Variants in GPRIN3 observed in about 807,000 individuals in gnomAD.
The protein encoded by GPRIN3 is GPRIN family member 3, also known as G protein-regulated inducer of neurite outgrowth 3.
GPRIN3 carries 12 observed loss-of-function variants against 13.7 expected under a neutral mutation model. That is an observed-to-expected ratio of 0.87 (90% CI 0.56 to 1.42). GPRIN3 has a LOEUF of 1.42. Among genes scored for constraint, GPRIN3 ranks in the 40% most tolerant of loss-of-function variants. The pLI is 0.00. For synonymous variants in GPRIN3, 377 were observed against 372.7 expected (o/e 1.01, Z -0.13); for missense variants, 1,009 against 958.7 (o/e 1.05, Z -0.69).
chr4:89,254,229 T>G (rs2149259845), intron 1 of GPRIN3, among the ~76,000 whole-genome samples: 1 of 152,130 alleles, frequency 6.6e-6, no homozygotes, highest in African/African-American at 2.4e-5. Flanking sequence ...TCTTTCTCTT[T>G]TTTTAAACCT....
rs1346155227 is a variant in GPRIN3, at chr4:89,250,223, G to C, written c.-113C>G. 1.9e-5 allele frequency: 28 copies of C among 1,503,226 alleles called. No homozygotes were observed. The highest frequency in any genetic ancestry group is 2.4e-5 in the Non-Finnish European group (27 of 1,127,074). 93.1% of individuals were successfully genotyped at this position (1,503,226 alleles called of 1,614,324 possible). On this transcript the variant is annotated 5_prime_UTR_variant, in exon 2 of 2. Coordinates refer to ENST00000609438, the MANE Select transcript of GPRIN3 (RefSeq NM_198281.3). ...TGACACAGTCAGGGATGATTCCTCT[G>C]AAGAACCAGCCTGTGAATCAAGGAA...
chr4:89,262,109 G>A (rs149156197), intron 1 of GPRIN3, among the ~76,000 whole-genome samples: 2,364 of 143,454 alleles, frequency 0.016, 68 homozygotes, highest in African/African-American at 0.058. Context: ...CTAGATGACG[G>A]AGTGAGACCC....
intron 1 of GPRIN3, among the ~76,000 whole-genome samples, chr4:89,282,381 T>C (rs1242042738): frequency 6.6e-6 from 1 of 152,178 alleles, no homozygotes; most frequent in Non-Finnish European, 1.5e-5. Flanking sequence ...CAACATGCCT[T>C]GTTACCTTGA....
chr4:89,264,911 G>T (rs561909801), intron 1 of GPRIN3, among the ~76,000 whole-genome samples: 1 of 152,242 alleles, frequency 6.6e-6, no homozygotes, highest in Admixed American at 6.5e-5. Context: ...AAGCTTCAAG[G>T]GGGCAAGATT....
chr4:89,268,212 T>C (rs530678034), intron 1 of GPRIN3, among the ~76,000 whole-genome samples: 1 of 152,244 alleles, frequency 6.6e-6, no homozygotes, highest in Non-Finnish European at 1.5e-5. Context: ...ACAGGTAGAG[T>C]GATCAACTAT....
intron 1 of GPRIN3, among the ~76,000 whole-genome samples, chr4:89,284,538 C>T (rs941675298): frequency 6.6e-6 from 1 of 152,170 alleles, no homozygotes; most frequent in Non-Finnish European, 1.5e-5. Flanking sequence ...GTTTTGCACA[C>T]AGGTTAGCTA....
At chr4:89,300,404 T>C (rs1305559205) in intron 1 of GPRIN3, among the ~76,000 whole-genome samples, 1 of 152,196 alleles carries the variant, frequency 6.6e-6, no homozygotes, top group Non-Finnish European at 1.5e-5. Flanking sequence ...TATATTGCTG[T>C]TCAGCTCCAG....
At chr4:89,286,275 T>C (rs1212730891) in intron 1 of GPRIN3, among the ~76,000 whole-genome samples, 3 of 152,158 alleles carry the variant, frequency 2.0e-5, no homozygotes, top group African/African-American at 7.2e-5. Flanking sequence ...TAAACTCTGG[T>C]TTTTGCTGAT....
chr4:89,261,863 G>T (rs1351984535), intron 1 of GPRIN3, among the ~76,000 whole-genome samples: 1 of 152,102 alleles, frequency 6.6e-6, no homozygotes, highest in African/African-American at 2.4e-5. Context: ...GTAATTCTAG[G>T]ACTTCGGGAG....
chr4:89,270,541 T>C (rs1346874430), intron 1 of GPRIN3, among the ~76,000 whole-genome samples: 1 of 131,958 alleles, frequency 7.6e-6, no homozygotes, highest in Non-Finnish European at 1.6e-5. Context: ...ATATATATTA[T>C]ATATATTTAT....
Position 89,240,805 on chromosome 4 carries a change from T to C in GPRIN3, c.*6975A>G, listed in dbSNP as rs967056556. On this transcript the variant is annotated 3_prime_UTR_variant, in exon 2 of 2. Coordinates refer to ENST00000609438, the MANE Select transcript of GPRIN3 (RefSeq NM_198281.3). ...ATTAGTGGTTTTAATTTGTGATTTA[T>C]CTGAATATACTAGTATAAATAAAAT... is the stretch of plus-strand genomic sequence containing the variant. 2 of 152,236 alleles carry C rather than the reference T, an allele frequency of 1.3e-5. No homozygotes were observed. Among genetic ancestry groups the C allele is most frequent in the African/African-American group, 4.8e-5 (2 of 41,466 alleles). 9.4% of individuals were successfully genotyped at this position (152,236 alleles called of 1,614,324 possible). A position where few individuals can be genotyped will look rare whatever the true frequency, so the allele number is the denominator to read the frequency against.
chr4:89,237,336 G>A lies in GPRIN3; in HGVS notation c.*10444C>T, dbSNP rs1578057395. On this transcript the variant is annotated 3_prime_UTR_variant, in exon 2 of 2. Coordinates refer to ENST00000609438, the MANE Select transcript of GPRIN3 (RefSeq NM_198281.3). ...GAAAATTTAATAATGGTGGCATTCA[G>A]AAGTTCATTAAGAATGTGTATGCCA... 2.0e-5 allele frequency: 3 copies of A among 152,304 alleles called. No individual in the cohort carries two copies. Among genetic ancestry groups the A allele is most frequent in the African/African-American group, 7.2e-5 (3 of 41,566 alleles). The allele number at this position is 152,304 out of a possible 1,614,324, so 9.4% of individuals were successfully genotyped here.
chr4:89,269,876 C>G (rs1403258306), intron 1 of GPRIN3, among the ~76,000 whole-genome samples: 1 of 152,148 alleles, frequency 6.6e-6, no homozygotes, highest in Non-Finnish European at 1.5e-5. Context: ...TTCCATCACA[C>G]TAAGCTTTAA....
At chr4:89,284,509 T>C (rs932830421) in intron 1 of GPRIN3, among the ~76,000 whole-genome samples, 3 of 152,216 alleles carry the variant, frequency 2.0e-5, no homozygotes, top group Admixed American at 6.5e-5. Context: ...CTAGGATTGT[T>C]GTGCATTCTT....
Position 89,236,779 on chromosome 4 carries a change from T to G in GPRIN3, c.*11001A>C, listed in dbSNP as rs1722803516. 6.6e-6 allele frequency: 1 copy of G among 152,188 alleles called. No homozygotes were observed. The highest frequency in any genetic ancestry group is 1.5e-5 in the Non-Finnish European group (1 of 68,032). The allele number at this position is 152,188 out of a possible 1,614,324, so 9.4% of individuals were successfully genotyped here. A position where few individuals can be genotyped will look rare whatever the true frequency, so the allele number is the denominator to read the frequency against. ...CCACAATATCTCTGTGATCATCCAA[T>G]TTATATGTCTCAAGTATCTGTGCCA... On this transcript the variant is annotated 3_prime_UTR_variant, in exon 2 of 2. Transcript: ENST00000609438.
At position 89,250,193 on chromosome 4, in the gene GPRIN3, A is replaced by G; in HGVS notation, c.-83T>C. 1 of 1,524,834 alleles carries G rather than the reference A, an allele frequency of 6.6e-7. No homozygotes were observed. The highest frequency in any genetic ancestry group is 2.3e-5 in the East Asian group (1 of 44,064). 94.5% of individuals were successfully genotyped at this position (1,524,834 alleles called of 1,614,324 possible). ...GGAGGGGAGCGCAGTCAGAGCTCAG[A>G]GTGATGACACAGTCAGGGATGATTC... On this transcript the variant is annotated 5_prime_UTR_variant, in exon 2 of 2. Transcript: ENST00000609438.
At chr4:89,287,224 T>C (rs1222925221) in intron 1 of GPRIN3, among the ~76,000 whole-genome samples, 1 of 152,170 alleles carries the variant, frequency 6.6e-6, no homozygotes, top group African/African-American at 2.4e-5. Flanking sequence ...ACTCTTGTAC[T>C]AGACATGTAG....
At position 89,302,582 on chromosome 4, in the gene GPRIN3, G is replaced by A. The variant is rs577610817; in HGVS notation, c.-124+5033C>T. Among the ~76,000 whole-genome samples the A allele has an allele frequency of 1.2e-4, 18 of 152,116 alleles. No homozygotes were observed. In the South Asian group the frequency reaches 1.5e-3, roughly 12 times the overall value. On this transcript the variant is annotated intron_variant, in intron 1 of 1. Transcript: ENST00000609438. The stretch of plus-strand genomic sequence containing the variant: ...AAATAAAGCCAATAATTTAATTACC[G>A]ACATGAACAATTAGAAAGCTGTTAC...
At chr4:89,274,362 A>T (rs184386039) in intron 1 of GPRIN3, among the ~76,000 whole-genome samples, 102 of 152,270 alleles carry the variant, frequency 6.7e-4, no homozygotes, top group Non-Finnish European at 1.2e-3. Flanking sequence ...GTTTATTTGG[A>T]AGTTCTCAAA....
Sources: gnomAD v4.1 joint callset for allele counts (sites outside exome capture counted in the v4.1 genomes callset) on GRCh38, gnomAD v4.1.1 for gene constraint, MANE v1.5 for transcripts, NCBI Gene and HGNC (gene_info 2026-07-23, HGNC 2026-07-21) for gene names.